TPO: variants seen among roughly 807,000 people sequenced by gnomAD.
TPO encodes the protein thyroid microsomal antigen.
A neutral mutation model predicts 96.9 loss-of-function variants in TPO; 78 were observed. The observed-to-expected ratio is 0.81, with a 90% CI of 0.67 to 0.97. TPO has a LOEUF of 0.97. TPO is among the 50% of genes least tolerant of loss of function. The pLI, the probability that TPO is intolerant of heterozygous loss-of-function variation, is 0.00. For missense variants in TPO, 1,252 were observed against 1,274.8 expected, an observed-to-expected ratio of 0.98 and a Z score of 0.27; for synonymous variants, 547 against 538.0, an observed-to-expected ratio of 1.02 and a Z score of -0.23.
intron 8 of TPO, among the ~76,000 whole-genome samples, chr2:1,481,785 C>T (rs1234196978): frequency 6.6e-6 from 1 of 152,208 alleles, no homozygotes; most frequent in East Asian, 1.9e-4. Context: ...CCTTTATCTG[C>T]AGGGCCCCAT....
At chr2:1,484,421 A>G (rs1345317208) in intron 8 of TPO, among the ~76,000 whole-genome samples, 175 bp from the exon 9 acceptor site, 2 of 152,164 alleles carry the variant, frequency 1.3e-5, no homozygotes, top group Admixed American at 1.3e-4. Context: ...CTGAATATCC[A>G]TGAAAAAATC....
At chr2:1,539,507 C>G (rs1680471084) in intron 15 of TPO, among the ~76,000 whole-genome samples, 1 of 152,140 alleles carries the variant, frequency 6.6e-6, no homozygotes, top group Non-Finnish European at 1.5e-5. Context: ...GAGGCAGACT[C>G]AGGCCCTCCC....
At chr2:1,443,698 G>A in intron 5 of TPO, among the ~76,000 whole-genome samples, 1 of 124,634 alleles carries the variant, frequency 8.0e-6, no homozygotes, top group Non-Finnish European at 1.7e-5. Flanking sequence ...GGAAGGGAAT[G>A]GAGCTGGCTC....
chr2:1,389,037 G>T (rs1661951697), intron 1 of TPO, among the ~76,000 whole-genome samples: 1 of 152,104 alleles, frequency 6.6e-6, no homozygotes, highest in African/African-American at 2.4e-5. Flanking sequence ...TTATTTTTTT[G>T]TTTGTTTGTT....
chr2:1,441,025 C>T (rs1666136186), intron 5 of TPO, among the ~76,000 whole-genome samples: 1 of 151,978 alleles, frequency 6.6e-6, no homozygotes, highest in African/African-American at 2.4e-5. Flanking sequence ...GTCAGTGCCA[C>T]AGGAGGCACT....
chr2:1,526,654 C>A (rs1254748381), intron 15 of TPO, among the ~76,000 whole-genome samples: 1 of 137,170 alleles, frequency 7.3e-6, no homozygotes, highest in Non-Finnish European at 1.6e-5. Context: ...TGCAACTTCC[C>A]TAAATCCCCC....
intron 3 of TPO, among the ~76,000 whole-genome samples, chr2:1,429,385 G>C (rs1433902524): frequency 6.6e-6 from 1 of 152,186 alleles, no homozygotes; most frequent in Non-Finnish European, 1.5e-5. Flanking sequence ...AAATTACCAA[G>C]TCTCAGGTAT....
upstream of TPO, among the ~76,000 whole-genome samples, chr2:1,410,923 C>G (rs1422349181): frequency 6.6e-6 from 1 of 152,182 alleles, no homozygotes; most frequent in Non-Finnish European, 1.5e-5. Context: ...CTCTGCTCTC[C>G]ATTGCTGGGT....
In TPO at chr2:1,484,746, A is replaced by T. The variant is rs1288889178; in HGVS notation, c.1489A>T (p.Ile497Phe). The change falls in exon 9 of 17, where the codon ATC becomes TTC. Residue 497 changes from isoleucine (I) to phenylalanine (F), a missense_variant. By Grantham distance (21) the Ile-to-Phe change is conservative (BLOSUM62 0). Transcript: ENST00000329066. ...TAAFRFGHAT[I>F]HPLVRRLDAS... ...CGCCTTCCGCTTCGGCCATGCCACG[A>T]TCCACCCGCTGGTGAGGAGGCTGGA... The T allele has an allele frequency of 6.2e-7, 1 of 1,613,904 alleles. No homozygotes were observed.
At chr2:1,408,653 C>T (rs958572323), upstream of TPO, among the ~76,000 whole-genome samples, 8 of 152,106 alleles carry the variant, frequency 5.3e-5, no homozygotes, top group Non-Finnish European at 8.8e-5. Flanking sequence ...GCGGAAGAGC[C>T]GCAGAGACCC....
chr2:1,393,850 A>G (rs944018957), intron 1 of TPO, among the ~76,000 whole-genome samples: 1 of 152,238 alleles, frequency 6.6e-6, no homozygotes, highest in Non-Finnish European at 1.5e-5. Flanking sequence ...TAAATATTTC[A>G]CTTCTTCTTT....
intron 15 of TPO, among the ~76,000 whole-genome samples, chr2:1,535,537 A>C: frequency 2.2e-5 from 1 of 45,448 alleles, no homozygotes; most frequent in Non-Finnish European, 4.0e-5. Flanking sequence ...CCCGTGTGCC[A>C]CTTCCCCAAA....
At chr2:1,495,716 G>A (rs893367819) in intron 11 of TPO, among the ~76,000 whole-genome samples, 1 of 152,146 alleles carries the variant, frequency 6.6e-6, no homozygotes, top group African/African-American at 2.4e-5. Flanking sequence ...GAGTGGTCCC[G>A]GGTGCTCAGG....
At chr2:1,524,645 G>T (rs1395807807) in intron 15 of TPO, among the ~76,000 whole-genome samples, 3 of 97,150 alleles carry the variant, frequency 3.1e-5, no homozygotes, top group Non-Finnish European at 6.0e-5. Flanking sequence ...CCTACTGCCT[G>T]CAACCTCCTC....
chr2:1,485,097 C>T (rs907088295), intron 9 of TPO, among the ~76,000 whole-genome samples: 4 of 151,462 alleles, frequency 2.6e-5, no homozygotes, highest in East Asian at 1.9e-4. Flanking sequence ...ATGATCCCCG[C>T]CCTGTGTCCA....
rs747893578 is a variant in TPO, at chr2:1,477,477, C to T, written c.1211C>T (p.Thr404Met). The T allele has an allele frequency of 3.3e-6, 5 of 1,529,262 alleles. No homozygotes were observed. Among genetic ancestry groups the T allele is most frequent in the East Asian group, 5.0e-5 (2 of 40,298 alleles). 94.7% of individuals were successfully genotyped at this position (1,529,262 alleles called of 1,614,324 possible). Reference protein sequence around the residue: ...DGRASEVPSLTALHTLWLREH... With the variant: ...DGRASEVPSLMALHTLWLREH... ...CGCGCCAGCGAGGTCCCCTCCCTGACGGCACTGCACACGCTGTGGCTGCGC... is the reference window on the plus strand; with the variant it reads ...CGCGCCAGCGAGGTCCCCTCCCTGATGGCACTGCACACGCTGTGGCTGCGC... Residue 404 changes from threonine to methionine, a missense_variant, in exon 8 of 17, where the codon ACG becomes ATG. Coordinates refer to ENST00000329066, the MANE Select transcript of TPO (RefSeq NM_001206744.2).
At chr2:1,515,849 T>C (rs1205803975) in intron 14 of TPO, among the ~76,000 whole-genome samples, 3 of 152,110 alleles carry the variant, frequency 2.0e-5, no homozygotes, top group Non-Finnish European at 4.4e-5. Flanking sequence ...CCAGAGCCTA[T>C]CTTCAACCAC....
intron 1 of TPO, among the ~76,000 whole-genome samples, chr2:1,406,500 C>T (rs891812850): frequency 9.9e-5 from 15 of 152,252 alleles, no homozygotes; most frequent in African/African-American, 3.1e-4. Context: ...TGGCTTGGAC[C>T]TGCCATGCCT....
intron 13 of TPO, among the ~76,000 whole-genome samples, chr2:1,499,016 C>A (rs1374959389): frequency 6.6e-6 from 1 of 152,180 alleles, no homozygotes; most frequent in Non-Finnish European, 1.5e-5. Flanking sequence ...TGTACACCTG[C>A]GTCTCTCCTT....
Sources: allele counts gnomAD v4.1 joint callset (sites outside exome capture counted in the v4.1 genomes callset), GRCh38; gene constraint gnomAD v4.1.1; transcripts MANE v1.5; gene names NCBI Gene and HGNC (gene_info 2026-07-23, HGNC 2026-07-21).